RBM47: variants seen among roughly 807,000 people sequenced by gnomAD.
The protein encoded by RBM47 is RNA binding motif protein 47.
In RBM47, 21 loss-of-function variants were observed where a neutral mutation model predicts 47.1. That is an observed-to-expected ratio of 0.45 (90% CI 0.32 to 0.64). The LOEUF (loss-of-function observed/expected upper bound fraction) is 0.64. RBM47 is among the 30% of genes least tolerant of loss of function. The pLI is 0.05. For missense variants in RBM47, 708 were observed against 870.9 expected, an observed-to-expected ratio of 0.81 and a Z score of 2.35; for synonymous variants, 375 against 361.7, an observed-to-expected ratio of 1.04 and a Z score of -0.42.
rs10597716 is a variant in RBM47, at chr4:40,496,329, A to AACACACACACACACAC, written c.-154-29646_-154-29631dup. Among the ~76,000 whole-genome samples the AACACACACACACACAC allele has an allele frequency of 2.3e-5, 3 of 129,300 alleles. No homozygotes were observed. The East Asian group carries it at 6.8e-4, about 29-fold the overall frequency. The allele number at this position is 129,300 out of a possible 152,430, so 84.8% of individuals were successfully genotyped here. A position where few individuals can be genotyped will look rare whatever the true frequency, so the allele number is the denominator to read the frequency against. Reference sequence around the variant, plus strand: ...TTCTGTATCTTGGCTGGAGAACTTAAACACACACACACACACACACACACA... The same window carrying AACACACACACACACAC: ...TTCTGTATCTTGGCTGGAGAACTTAAACACACACACACACACACACACACACACACACACACACACA... On this transcript the variant is annotated intron_variant, in intron 2 of 6. Coordinates refer to ENST00000295971, the MANE Select transcript of RBM47 (RefSeq NM_001098634.2).
intron 1 of RBM47, among the ~76,000 whole-genome samples, chr4:40,622,962 G>A (rs1306328384): frequency 6.6e-6 from 1 of 152,192 alleles, no homozygotes; most frequent in East Asian, 1.9e-4. Context: ...GTGGAAGCAG[G>A]GGAGCAGATA....
chr4:40,493,577 A>G (rs1228878575), intron 2 of RBM47, among the ~76,000 whole-genome samples: 1 of 152,138 alleles, frequency 6.6e-6, no homozygotes, highest in Non-Finnish European at 1.5e-5. Flanking sequence ...TGAGGTCAGG[A>G]GTTCAAGACC....
At chr4:40,567,501 C>T (rs546994308) in intron 1 of RBM47, among the ~76,000 whole-genome samples, 1 of 152,080 alleles carries the variant, frequency 6.6e-6, no homozygotes, top group African/African-American at 2.4e-5. Context: ...TGACTTCAAG[C>T]CAGTTTAGTA....
chr4:40,586,385 G>A (rs6822386), intron 1 of RBM47, among the ~76,000 whole-genome samples: 44,675 of 151,662 alleles, frequency 0.29, 7,552 homozygotes, highest in African/African-American at 0.43. Flanking sequence ...ACCACCAGGA[G>A]ACAGAAACAG....
intron 3 of RBM47, among the ~76,000 whole-genome samples, chr4:40,449,955 T>C (rs1447973665): frequency 6.6e-6 from 1 of 152,188 alleles, no homozygotes; most frequent in Non-Finnish European, 1.5e-5. Context: ...GTGCTGGTTT[T>C]ATAGGTGTGA....
At chr4:40,590,544 C>T (rs1195850676) in intron 1 of RBM47, among the ~76,000 whole-genome samples, 1 of 152,196 alleles carries the variant, frequency 6.6e-6, no homozygotes, top group Non-Finnish European at 1.5e-5. Flanking sequence ...AGACACATTG[C>T]CTCACCTGGT....
intron 1 of RBM47, among the ~76,000 whole-genome samples, chr4:40,618,985 C>T (rs1223981636): frequency 2.6e-5 from 4 of 152,010 alleles, no homozygotes; most frequent in Admixed American, 6.6e-5. Context: ...AACCCCCCAT[C>T]CTCAGTCCTT....
At chr4:40,456,571 C>CTTTTTTTTT (rs34320480) in intron 3 of RBM47, among the ~76,000 whole-genome samples, 44 of 112,554 alleles carry the variant, frequency 3.9e-4, no homozygotes, top group African/African-American at 5.6e-4. Flanking sequence ...TTTCTTTTTT[C>CTTTTTTTTT]TTTTTTTTTT....
intron 1 of RBM47, among the ~76,000 whole-genome samples, chr4:40,626,193 C>A (rs1472755275): frequency 6.6e-6 from 1 of 152,148 alleles, no homozygotes; most frequent in South Asian, 2.1e-4. Flanking sequence ...AAAGATGCTC[C>A]TGTTAAATAT....
At chr4:40,588,689 G>C (rs1306113558) in intron 1 of RBM47, among the ~76,000 whole-genome samples, 1 of 152,058 alleles carries the variant, frequency 6.6e-6, no homozygotes. Context: ...GTTAGTCTTG[G>C]GGTGTAGTAA....
intron 1 of RBM47, among the ~76,000 whole-genome samples, chr4:40,619,945 C>T (rs1737098989): frequency 6.6e-6 from 1 of 152,208 alleles, no homozygotes; most frequent in African/African-American, 2.4e-5. Flanking sequence ...CGCCTGTAAT[C>T]CCAACACTTC....
intron 4 of RBM47, among the ~76,000 whole-genome samples, chr4:40,437,102 TATATATATAAAATAC>T (rs1339410385): frequency 1.4e-5 from 1 of 73,000 alleles, no homozygotes; most frequent in African/African-American, 7.9e-5. Flanking sequence ...TATATATATA[TATATATATAAAATAC>T]ATATATATAT....
At chr4:40,586,070 T>C (rs1005238823) in intron 1 of RBM47, among the ~76,000 whole-genome samples, 1 of 152,212 alleles carries the variant, frequency 6.6e-6, no homozygotes, top group Non-Finnish European at 1.5e-5. Flanking sequence ...CAAAACGCCA[T>C]GGGGCAGAAA....
At chr4:40,519,050 A>C (rs1725913129) in intron 2 of RBM47, among the ~76,000 whole-genome samples, 1 of 151,582 alleles carries the variant, frequency 6.6e-6, no homozygotes, top group African/African-American at 2.4e-5. Context: ...AAATATAAAA[A>C]ATGATCCAGG....
At chr4:40,630,816 G>C (rs1020280241), upstream of RBM47, 5 of 152,068 alleles carry the variant, frequency 3.3e-5, no homozygotes, top group Admixed American at 1.3e-4. Context: ...CCGCATTTCA[G>C]TGGAGCGCTA....
intron 2 of RBM47, among the ~76,000 whole-genome samples, chr4:40,482,145 G>T (rs1720522254): frequency 6.6e-6 from 1 of 152,218 alleles, no homozygotes; most frequent in Non-Finnish European, 1.5e-5. Flanking sequence ...GTGCTATCCA[G>T]ACAATGGGAG....
intron 2 of RBM47, among the ~76,000 whole-genome samples, chr4:40,532,890 C>G (rs928707277): frequency 3.3e-5 from 5 of 152,026 alleles, no homozygotes; most frequent in Non-Finnish European, 7.4e-5. Flanking sequence ...TAGCCTCTTG[C>G]AATCTGCAAA....
chr4:40,624,664 C>A (rs1054564288), intron 1 of RBM47, among the ~76,000 whole-genome samples: 21 of 152,068 alleles, frequency 1.4e-4, no homozygotes, highest in African/African-American at 4.1e-4. Context: ...AGTTGCAGTG[C>A]CCCATTAAAT....
intron 1 of RBM47, among the ~76,000 whole-genome samples, chr4:40,548,284 G>A (rs968714758): frequency 6.6e-6 from 1 of 152,308 alleles, no homozygotes; most frequent in Non-Finnish European, 1.5e-5. Context: ...ACATAAGAGC[G>A]TACAGGATCT....
Sources: allele counts gnomAD v4.1 joint callset (sites outside exome capture counted in the v4.1 genomes callset), GRCh38; gene constraint gnomAD v4.1.1; transcripts MANE v1.5; gene names NCBI Gene and HGNC (gene_info 2026-07-23, HGNC 2026-07-21).